The following KCND3 variants were observed in gnomAD, a reference collection of about 807,000 sequenced individuals.
KCND3 encodes the protein A-type voltage-gated potassium channel KCND3.
A neutral mutation model predicts 51.1 loss-of-function variants in KCND3; 9 were observed. The ratio of observed to expected loss-of-function variants is 0.18; its 90% CI spans 0.11 to 0.31. The LOEUF (loss-of-function observed/expected upper bound fraction) is 0.31. Ranked by LOEUF, KCND3 falls within the 10% of genes least tolerant of loss-of-function variation. The pLI, the probability that KCND3 is intolerant of heterozygous loss-of-function variation, is 1.00. For synonymous variants in KCND3, 349 were observed against 368.0 expected (o/e 0.95, Z 0.59); for missense variants, 526 against 903.8 (o/e 0.58, Z 5.36).
chr1:111,919,737 C>T (rs1053748997), intron 2 of KCND3, among the ~76,000 whole-genome samples: 3 of 152,184 alleles, frequency 2.0e-5, no homozygotes, highest in Admixed American at 6.5e-5. Flanking sequence ...CAGTCAAACC[C>T]GTGCTGGAGT....
At chr1:111,962,078 C>A (rs893632904) in intron 2 of KCND3, among the ~76,000 whole-genome samples, 12 of 152,192 alleles carry the variant, frequency 7.9e-5, no homozygotes, top group African/African-American at 2.9e-4. Context: ...TCATCCAAGC[C>A]CCAGTGATGG....
chr1:111,772,784 C>G lies in KCND3; in HGVS notation c.*3293G>C, dbSNP rs1398035530. On this transcript the variant is annotated 3_prime_UTR_variant, in exon 8 of 8. Transcript: ENST00000302127. ...GGTTGGTTTGTTTTTCCCTCCCCCTCTTAATGCTGAGTGGGACTGAATGGA... is the reference window on the plus strand; with the variant it reads ...GGTTGGTTTGTTTTTCCCTCCCCCTGTTAATGCTGAGTGGGACTGAATGGA... The G allele has an allele frequency of 6.6e-6, 1 of 152,200 alleles. No homozygotes were observed. Among genetic ancestry groups the G allele is most frequent in the Non-Finnish European group, 1.5e-5 (1 of 68,044 alleles). The allele number at this position is 152,200 out of a possible 1,614,324, so 9.4% of individuals were successfully genotyped here.
At chr1:111,936,679 T>A (rs1043959594) in intron 2 of KCND3, among the ~76,000 whole-genome samples, 2 of 152,214 alleles carry the variant, frequency 1.3e-5, no homozygotes, top group African/African-American at 4.8e-5. Context: ...GAGAGGCCAC[T>A]GAAAGTCCTA....
intron 2 of KCND3, among the ~76,000 whole-genome samples, chr1:111,818,416 T>C (rs2101591214): frequency 6.6e-6 from 1 of 152,358 alleles, no homozygotes; most frequent in South Asian, 2.1e-4. Flanking sequence ...TGGAATGAGC[T>C]GGAGAGTGCC....
chr1:111,808,708 G>C (rs933902669), intron 2 of KCND3, among the ~76,000 whole-genome samples: 1 of 152,200 alleles, frequency 6.6e-6, no homozygotes, highest in Non-Finnish European at 1.5e-5. Context: ...TGGAAATTCT[G>C]ATGCACAAAG....
chr1:111,844,726 C>T (rs1292502413), intron 2 of KCND3, among the ~76,000 whole-genome samples: 1 of 152,168 alleles, frequency 6.6e-6, no homozygotes, highest in Admixed American at 6.5e-5. Flanking sequence ...GGCATACACA[C>T]AGCACACAGT....
chr1:111,978,022 G>A (rs937574499), intron 2 of KCND3, among the ~76,000 whole-genome samples: 1 of 152,192 alleles, frequency 6.6e-6, no homozygotes, highest in African/African-American at 2.4e-5. Flanking sequence ...AGCATAAAGG[G>A]TCTTCCCCAG....
chr1:111,860,539 C>T (rs1225404608), intron 2 of KCND3, among the ~76,000 whole-genome samples: 1 of 152,058 alleles, frequency 6.6e-6, no homozygotes, highest in Non-Finnish European at 1.5e-5. Flanking sequence ...AGTCCCCCAC[C>T]CCCCCAACTT....
intron 2 of KCND3, among the ~76,000 whole-genome samples, chr1:111,838,530 G>A (rs1371298358): frequency 2.0e-5 from 3 of 152,086 alleles, no homozygotes; most frequent in Admixed American, 1.3e-4. Context: ...GGTGGCAGGC[G>A]CCTGTAATCC....
At chr1:111,864,197 T>C (rs1391056868) in intron 2 of KCND3, among the ~76,000 whole-genome samples, 2 of 152,084 alleles carry the variant, frequency 1.3e-5, no homozygotes, top group Non-Finnish European at 2.9e-5. Flanking sequence ...AGGACACATA[T>C]TCTTCTCTCA....
At chr1:111,792,694 C>T (rs1009510489) in intron 2 of KCND3, among the ~76,000 whole-genome samples, 17 of 152,066 alleles carry the variant, frequency 1.1e-4, no homozygotes, top group African/African-American at 3.6e-4. Context: ...ATAGTACCTA[C>T]GTCACAGGGT....
At position 111,780,920 on chromosome 1, in the gene KCND3, C is replaced by T. The variant is rs1481867806; in HGVS notation, c.1270-129G>A. On this transcript the variant is annotated intron_variant, in intron 3 of 7. Coordinates refer to ENST00000302127, the MANE Select transcript of KCND3 (RefSeq NM_001378969.1). This position sits in a 1 kb window ranked among gnomAD's most constrained non-coding sequence, Gnocchi z 4.2. ...AGGGGATGAGGCTGTTTCTCTCCAA[C>T]CTCATGCATCTCCAGTTGTGTACCC... 4.0e-6 allele frequency: 3 copies of T among 756,316 alleles called. No individual in the cohort carries two copies. The highest frequency in any genetic ancestry group is 3.4e-5 in the African/African-American group (2 of 58,144). The allele number at this position is 756,316 out of a possible 1,614,324, so 46.9% of individuals were successfully genotyped here. A position where few individuals can be genotyped will look rare whatever the true frequency, so the allele number is the denominator to read the frequency against.
chr1:111,835,931 C>G (rs927805750), intron 2 of KCND3, among the ~76,000 whole-genome samples: 1 of 152,114 alleles, frequency 6.6e-6, no homozygotes, highest in Non-Finnish European at 1.5e-5. Context: ...GTCTAAGAAC[C>G]CTCTCTTGGG....
chr1:111,897,081 A>G (rs1670151158), intron 2 of KCND3, among the ~76,000 whole-genome samples: 1 of 152,234 alleles, frequency 6.6e-6, no homozygotes, highest in Non-Finnish European at 1.5e-5. Flanking sequence ...GCAGGCGAGG[A>G]GCAGGTGCTC....
At chr1:111,914,920 CA>C (rs1264814242) in intron 2 of KCND3, among the ~76,000 whole-genome samples, 1 of 151,848 alleles carries the variant, frequency 6.6e-6, no homozygotes, top group Non-Finnish European at 1.5e-5. Context: ...CTGTTTAGAA[CA>C]AAAATTTTCA....
chr1:111,829,222 C>A (rs573513002), intron 2 of KCND3, among the ~76,000 whole-genome samples: 1 of 152,018 alleles, frequency 6.6e-6, no homozygotes, highest in African/African-American at 2.4e-5. Flanking sequence ...GGATATGGGG[C>A]GACCTAAAAT....
At chr1:111,930,573 C>A (rs1165487564) in intron 2 of KCND3, among the ~76,000 whole-genome samples, 3 of 150,014 alleles carry the variant, frequency 2.0e-5, no homozygotes, top group African/African-American at 7.3e-5. Context: ...CACTTGCCTG[C>A]CTCTGGTCCT....
At chr1:111,951,894 T>A (rs536428565) in intron 2 of KCND3, among the ~76,000 whole-genome samples, 97 of 151,880 alleles carry the variant, frequency 6.4e-4, no homozygotes, top group African/African-American at 2.2e-3. Context: ...CAGCAGAGGG[T>A]CTAAGAAAAA....
At chr1:111,874,300 C>T (rs1239096874) in intron 2 of KCND3, among the ~76,000 whole-genome samples, 2 of 152,208 alleles carry the variant, frequency 1.3e-5, no homozygotes, top group Non-Finnish European at 2.9e-5. Context: ...AGTTGCAACC[C>T]ATGGGGCTGT....
Sources: gnomAD v4.1 joint callset for allele counts (sites outside exome capture counted in the v4.1 genomes callset) on GRCh38, gnomAD v4.1.1 for gene constraint, Gnocchi (gnomAD v3.1) non-coding constraint, MANE v1.5 for transcripts, NCBI Gene and HGNC (gene_info 2026-07-23, HGNC 2026-07-21) for gene names.